TSHR: variants seen among roughly 807,000 people sequenced by gnomAD.
TSHR encodes the protein thyroid stimulating hormone receptor, also known as thyrotropin receptor.
In TSHR, 51 loss-of-function variants were observed where a neutral mutation model predicts 64.1. That is an observed-to-expected ratio of 0.80 (90% CI 0.64 to 1.01). The LOEUF (loss-of-function observed/expected upper bound fraction) is 1.01. Ranked by LOEUF, TSHR falls within the 50% of genes least tolerant of loss-of-function variation. The pLI is 0.00. For missense variants in TSHR, 877 were observed against 942.8 expected (o/e 0.93, Z 0.91); for synonymous variants, 361 against 361.9 (o/e 1.00, Z 0.03).
chr14:80,986,390 C>T (rs949281734), intron 1 of TSHR, among the ~76,000 whole-genome samples: 5 of 152,166 alleles, frequency 3.3e-5, no homozygotes, highest in African/African-American at 7.2e-5. Flanking sequence ...CTCCAGGAGG[C>T]TTTCTCTAAC....
At chr14:81,006,661 C>T (rs1334768406) in intron 1 of TSHR, among the ~76,000 whole-genome samples, 2 of 152,054 alleles carry the variant, frequency 1.3e-5, no homozygotes, top group Admixed American at 1.3e-4. Flanking sequence ...TACAGGCACA[C>T]ACCACCATGC....
At chr14:81,022,800 G>A (rs754022532) in intron 1 of TSHR, among the ~76,000 whole-genome samples, 1 of 151,912 alleles carries the variant, frequency 6.6e-6, no homozygotes, top group South Asian at 2.1e-4. Context: ...CAGCCCGGGC[G>A]ACAAAGCGAG....
At chr14:80,988,728 C>T (rs1338973661) in intron 1 of TSHR, among the ~76,000 whole-genome samples, 1 of 152,074 alleles carries the variant, frequency 6.6e-6, no homozygotes, top group Non-Finnish European at 1.5e-5. Flanking sequence ...TTTAATTCAC[C>T]CCTCTCATCT....
rs76145339 is a variant in TSHR at position 81,142,479 on chromosome 14, A to G, written c.882-461A>G. Among the ~76,000 whole-genome samples the G allele has an allele frequency of 1.0e-3, 153 of 152,248 alleles. 1 individual carries two copies. The highest frequency in any genetic ancestry group is 3.7e-3 in the African/African-American group (152 of 41,534). On this transcript the variant is annotated intron_variant, in intron 9 of 9. Coordinates refer to ENST00000298171, the MANE Select transcript of TSHR (RefSeq NM_000369.5). ...AGCACAGTAGGGGAGGGGAGGTCAT[A>G]GGAATGATGTCACAGAAACAGGCCT...
chr14:80,982,405 C>T (rs1307078715), intron 1 of TSHR: 1 of 1,240,158 alleles, frequency 8.1e-7, no homozygotes, highest in South Asian at 1.7e-5. Flanking sequence ...GAATGATAAA[C>T]CTGAAATTGG....
intron 3 of TSHR, among the ~76,000 whole-genome samples, chr14:81,076,081 T>C (rs1206901132): frequency 6.6e-6 from 1 of 152,274 alleles, no homozygotes; most frequent in South Asian, 2.1e-4. Flanking sequence ...CACTCATAGG[T>C]GGGAATTGAA....
At chr14:81,026,567 G>T (rs1884065224) in intron 1 of TSHR, among the ~76,000 whole-genome samples, 1 of 152,074 alleles carries the variant, frequency 6.6e-6, no homozygotes, top group Non-Finnish European at 1.5e-5. Context: ...TGTGACCAAA[G>T]TTATCTGTGA....
chr14:80,987,653 T>C (rs1888535135), intron 1 of TSHR, among the ~76,000 whole-genome samples: 1 of 152,226 alleles, frequency 6.6e-6, no homozygotes. Flanking sequence ...CTCAATTAGC[T>C]TACATCGTCA....
intron 1 of TSHR, among the ~76,000 whole-genome samples, chr14:81,061,641 G>A (rs1440079435): frequency 6.6e-6 from 1 of 152,000 alleles, no homozygotes; most frequent in Non-Finnish European, 1.5e-5. Context: ...CTGCTTGAAG[G>A]CAGAGGGTGG....
chr14:81,012,266 G>A (rs1427077654), intron 1 of TSHR: 1 of 151,140 alleles, frequency 6.6e-6, no homozygotes, highest in Admixed American at 6.6e-5. Context: ...CAAAGGACAT[G>A]AACTCATCAT....
At chr14:81,038,784 A>T (rs1243989420) in intron 1 of TSHR, among the ~76,000 whole-genome samples, 1 of 85,058 alleles carries the variant, frequency 1.2e-5, no homozygotes, top group East Asian at 3.2e-4. Flanking sequence ...TAGAAAAAAT[A>T]AAAAAAAGAA....
chr14:81,114,781 T>C (rs937168258), intron 8 of TSHR, among the ~76,000 whole-genome samples: 8 of 152,202 alleles, frequency 5.3e-5, no homozygotes, highest in Non-Finnish European at 1.0e-4. Flanking sequence ...AATGTCCCTG[T>C]CTGACAGCTT....
At chr14:81,057,297 G>C (rs972765159) in intron 1 of TSHR, among the ~76,000 whole-genome samples, 3 of 152,132 alleles carry the variant, frequency 2.0e-5, no homozygotes, top group Admixed American at 6.5e-5. Flanking sequence ...TGTAATACCA[G>C]CTACTCAGGA....
At chr14:81,025,520 T>C (rs1273402527) in intron 1 of TSHR, among the ~76,000 whole-genome samples, 1 of 152,136 alleles carries the variant, frequency 6.6e-6, no homozygotes, top group African/African-American at 2.4e-5. Flanking sequence ...GTTTCTATGA[T>C]ATTCTATAAT....
chr14:81,065,324 A>G (rs1886534378), intron 2 of TSHR, among the ~76,000 whole-genome samples: 1 of 152,190 alleles, frequency 6.6e-6, no homozygotes, highest in African/African-American at 2.4e-5. Context: ...GATGCAGGTA[A>G]ACTAATAGGC....
chr14:80,960,073 G>A (rs575602179), intron 1 of TSHR, among the ~76,000 whole-genome samples: 1 of 152,344 alleles, frequency 6.6e-6, no homozygotes, highest in Admixed American at 6.5e-5. Context: ...TAAAAAGGAA[G>A]CAAAGTAAGT....
intron 1 of TSHR, among the ~76,000 whole-genome samples, chr14:80,973,615 G>A (rs1299980317): frequency 6.6e-6 from 1 of 151,976 alleles, no homozygotes; most frequent in Non-Finnish European, 1.5e-5. Context: ...CGACTTAATA[G>A]CAATGCATGA....
chr14:81,097,885 G>A (rs908216066), intron 7 of TSHR, among the ~76,000 whole-genome samples: 42 of 152,044 alleles, frequency 2.8e-4, no homozygotes, highest in Non-Finnish European at 5.1e-4. Flanking sequence ...GTCTGGTTGT[G>A]GAGTCATAAT....
At chr14:81,141,576 T>A (rs576227525) in intron 9 of TSHR, among the ~76,000 whole-genome samples, 1 of 152,310 alleles carries the variant, frequency 6.6e-6, no homozygotes, top group South Asian at 2.1e-4. Flanking sequence ...AAGAATTCCC[T>A]CTTGTATTTT....
Sources: gnomAD v4.1 joint callset for allele counts (sites outside exome capture counted in the v4.1 genomes callset) on GRCh38, gnomAD v4.1.1 for gene constraint, MANE v1.5 for transcripts, NCBI Gene and HGNC (gene_info 2026-07-23, HGNC 2026-07-21) for gene names.